Variants in USH2A observed in about 807,000 individuals in gnomAD.
USH2A encodes the protein usherin.
USH2A carries 443 observed loss-of-function variants against 538.9 expected under a neutral mutation model. The ratio of observed to expected loss-of-function variants is 0.82; its 90% CI spans 0.76 to 0.89. The LOEUF is 0.89. Among genes scored for constraint, USH2A ranks in the 40% least tolerant of loss-of-function variants. The pLI is 0.00. For missense variants in USH2A, 6,633 were observed against 6,324.8 expected, an observed-to-expected ratio of 1.05 and a Z score of -1.65; for synonymous variants, 2,413 against 2,273.5, an observed-to-expected ratio of 1.06 and a Z score of -1.75.
chr1:216,009,941 C>T (rs1225880466), intron 32 of USH2A, among the ~76,000 whole-genome samples: 1 of 152,184 alleles, frequency 6.6e-6, no homozygotes, highest in Non-Finnish European at 1.5e-5. Flanking sequence ...ATATAAAAAT[C>T]CAGCCCAGTT....
chr1:215,766,974 C>T (rs1239444919), intron 55 of USH2A, among the ~76,000 whole-genome samples, 186 bp from the exon 56 acceptor site: 2 of 152,120 alleles, frequency 1.3e-5, no homozygotes, highest in Admixed American at 6.6e-5. Flanking sequence ...TTTCATTTAT[C>T]ACTGATAAAC....
chr1:215,802,467 CT>C lies in USH2A; in HGVS notation c.9740-3343del, dbSNP rs562418552. On this transcript the variant is annotated intron_variant, in intron 49 of 71. Coordinates refer to ENST00000307340, the MANE Select transcript of USH2A (RefSeq NM_206933.4). ...AATGGGCAAATAACTTTAATAGACA[CT>C]TTTTTCCAAAGAAGACATACAAATA... is the stretch of plus-strand genomic sequence containing the variant. Among the ~76,000 whole-genome samples, 871 of 151,942 alleles carry C rather than the reference CT, an allele frequency of 5.7e-3. 7 individuals carry two copies. The highest frequency in any genetic ancestry group is 0.02 in the African/African-American group (818 of 41,468).
chr1:216,026,961 T>C (rs1173607442), intron 32 of USH2A, among the ~76,000 whole-genome samples: 1 of 152,168 alleles, frequency 6.6e-6, no homozygotes. Context: ...AAATATTTTG[T>C]TCTTATATTC....
intron 43 of USH2A, among the ~76,000 whole-genome samples, chr1:215,872,926 T>G (rs1664660975): frequency 6.6e-6 from 1 of 152,040 alleles, no homozygotes; most frequent in African/African-American, 2.4e-5. Context: ...GGGTAAAAGC[T>G]CCCTGAAGCC....
intron 11 of USH2A, among the ~76,000 whole-genome samples, chr1:216,266,110 C>T (rs953820535): frequency 2.6e-5 from 4 of 152,038 alleles, no homozygotes; most frequent in Admixed American, 6.6e-5. Flanking sequence ...TTGCTAATTA[C>T]ACTGATTTGA....
chr1:216,319,834 C>G (rs905177603), intron 9 of USH2A, among the ~76,000 whole-genome samples: 1 of 152,156 alleles, frequency 6.6e-6, no homozygotes, highest in East Asian at 1.9e-4. Context: ...TGGAATTTGC[C>G]AAAACCTTTA....
chr1:216,078,365 GTATT>G lies in USH2A; in HGVS notation c.5299-7_5299-4del. 1 of 1,612,818 alleles carries G rather than the reference GTATT, an allele frequency of 6.2e-7. No individual in the cohort carries two copies. The highest frequency in any genetic ancestry group is 8.5e-7 in the Non-Finnish European group (1 of 1,179,222). On this transcript the variant is annotated splice_polypyrimidine_tract_variant and splice_region_variant and intron_variant, in intron 26 of 71. Transcript: ENST00000307340. ...AATATTCCACTTTTCAGCTCCATCT[GTATT>G]TTATATTAAAAAAGAAAGTAGGTAT...
intron 30 of USH2A, among the ~76,000 whole-genome samples, chr1:216,061,779 G>C (rs1009174306): frequency 3.3e-5 from 5 of 152,108 alleles, no homozygotes; most frequent in African/African-American, 1.2e-4. Flanking sequence ...CAGAGACAAT[G>C]GACTGTTAGA....
intron 58 of USH2A, among the ~76,000 whole-genome samples, chr1:215,744,492 T>A (rs1186551546): frequency 1.3e-5 from 2 of 152,088 alleles, no homozygotes; most frequent in Non-Finnish European, 2.9e-5. Context: ...GATCTGAGAG[T>A]TTTTAACATT....
At chr1:215,716,890 T>A (rs143946677) in intron 61 of USH2A, among the ~76,000 whole-genome samples, 1 of 152,326 alleles carries the variant, frequency 6.6e-6, no homozygotes, top group East Asian at 1.9e-4. Context: ...TTGTTACTCT[T>A]TGGTTGGCTT....
At chr1:216,027,313 C>G (rs1668993182) in intron 32 of USH2A, among the ~76,000 whole-genome samples, 1 of 152,136 alleles carries the variant, frequency 6.6e-6, no homozygotes, top group African/African-American at 2.4e-5. Flanking sequence ...AAGAAGGCGG[C>G]AATTTGTAAG....
intron 37 of USH2A, among the ~76,000 whole-genome samples, chr1:215,960,212 T>G (rs886768291): frequency 1.3e-5 from 2 of 152,142 alleles, no homozygotes; most frequent in African/African-American, 4.8e-5. Context: ...GATGTAACCC[T>G]AAATTATCAT....
In USH2A at chr1:216,365,069, A is replaced by G. The variant is rs2038569132; in HGVS notation, c.668T>C (p.Ile223Thr). 6.2e-7 allele frequency: 1 copy of G among 1,613,032 alleles called. No individual in the cohort carries two copies. The highest frequency in any genetic ancestry group is 8.5e-7 in the Non-Finnish European group (1 of 1,179,396). ...HLSVQVHQTKISFFINGVEKD... is the reference protein window; with the variant it reads ...HLSVQVHQTKTSFFINGVEKD... ...CTCCACGCCATTGATAAAGAAGCTG[A>G]TTTTTGTCTGATGCACCTGTAAGAA... is the stretch of plus-strand genomic sequence containing the variant. The change falls in exon 4 of 72, where the codon ATC becomes ACC. Residue 223 changes from isoleucine (I) to threonine (T), a missense_variant. Ile to Thr is a moderately conservative substitution (Grantham distance 89). Coordinates refer to ENST00000307340, the MANE Select transcript of USH2A (RefSeq NM_206933.4).
rs147192738 is a variant in USH2A at position 216,199,956 on chromosome 1, C to T, written c.3482G>A (p.Gly1161Asp). 6.2e-7 allele frequency: 1 copy of T among 1,614,028 alleles called. No individual in the cohort carries two copies. Among genetic ancestry groups the T allele is most frequent in the African/African-American group, 1.3e-5 (1 of 75,000 alleles). ...NLTLSYIIPI[G>D]SDSVTLTWTT... ...CCAGGTAAGTGTCACAGAGTCTGAG[C>T]CAATAGGAATGATATAACTTAAAGT... Residue 1161 changes from glycine to aspartate, a missense_variant, in exon 17 of 72, where the codon GGC becomes GAC. By Grantham distance (94) the Gly-to-Asp change is moderately conservative. Transcript: ENST00000307340.
chr1:216,081,282 G>T (rs543231623), intron 26 of USH2A, among the ~76,000 whole-genome samples: 95 of 152,242 alleles, frequency 6.2e-4, no homozygotes, highest in African/African-American at 2.2e-3. Context: ...GTGTCAATGC[G>T]TTGGTGAACT....
chr1:216,125,179 T>A (rs1384813584), intron 21 of USH2A, among the ~76,000 whole-genome samples: 2 of 152,132 alleles, frequency 1.3e-5, no homozygotes, highest in Non-Finnish European at 2.9e-5. Flanking sequence ...CATATCTATA[T>A]TTTTCTGAAG....
intron 32 of USH2A, among the ~76,000 whole-genome samples, chr1:216,031,919 T>C (rs1234555000): frequency 6.6e-6 from 1 of 152,208 alleles, no homozygotes; most frequent in African/African-American, 2.4e-5. Context: ...TAAACTCGAC[T>C]CTAAAGCCTG....
chr1:216,074,418 A>G (rs952849045), intron 27 of USH2A, among the ~76,000 whole-genome samples: 1 of 152,184 alleles, frequency 6.6e-6, no homozygotes, highest in African/African-American at 2.4e-5. Context: ...ATTAAAGCAC[A>G]GCAGCAGGAA....
chr1:216,237,612 T>C (rs2035855065), intron 13 of USH2A, among the ~76,000 whole-genome samples: 1 of 152,030 alleles, frequency 6.6e-6, no homozygotes, highest in Admixed American at 6.6e-5. Context: ...TAGATTTCAT[T>C]CCCCCAATTA....
Sources: gnomAD v4.1 joint callset for allele counts (sites outside exome capture counted in the v4.1 genomes callset) on GRCh38, gnomAD v4.1.1 for gene constraint, MANE v1.5 for transcripts, NCBI Gene and HGNC (gene_info 2026-07-23, HGNC 2026-07-21) for gene names.